Variants in ZNF532 observed in about 807,000 individuals in gnomAD.
The protein encoded by ZNF532 is zinc finger protein 532.
ZNF532 carries 22 observed loss-of-function variants against 89.3 expected under a neutral mutation model. The ratio of observed to expected loss-of-function variants is 0.25; its 90% CI spans 0.18 to 0.35. ZNF532 has a LOEUF of 0.35. Among genes scored for constraint, ZNF532 ranks in the 10% least tolerant of loss-of-function variants. The pLI, the probability that ZNF532 is intolerant of heterozygous loss-of-function variation, is 1.00. For synonymous variants in ZNF532, 606 were observed against 649.6 expected, an observed-to-expected ratio of 0.93 and a Z score of 1.02; for missense variants, 1,132 against 1,643.4, an observed-to-expected ratio of 0.69 and a Z score of 5.38.
intron 4 of ZNF532, among the ~76,000 whole-genome samples, chr18:58,935,648 T>TTA (rs2062410668): frequency 6.6e-6 from 1 of 150,954 alleles, no homozygotes; most frequent in Admixed American, 6.6e-5. Context: ...TGTTGAATGA[T>TTA]TATATATATG....
chr18:58,930,866 T>C (rs1301994382), intron 3 of ZNF532, among the ~76,000 whole-genome samples: 1 of 152,172 alleles, frequency 6.6e-6, no homozygotes, highest in East Asian at 1.9e-4. Context: ...TATTGTTGTA[T>C]TGTTATTTTT....
chr18:58,912,159 C>T (rs2060323077), intron 2 of ZNF532, among the ~76,000 whole-genome samples: 1 of 152,088 alleles, frequency 6.6e-6, no homozygotes, highest in East Asian at 1.9e-4. Context: ...GTATGTGACT[C>T]CTGTGTTGAT....
chr18:58,880,655 A>G (rs753847257), intron 2 of ZNF532, among the ~76,000 whole-genome samples: 77 of 152,268 alleles, frequency 5.1e-4, no homozygotes, highest in Middle Eastern at 6.8e-3. Flanking sequence ...GAGACACTGA[A>G]GGTAGGAAAT....
intron 2 of ZNF532, among the ~76,000 whole-genome samples, chr18:58,872,146 T>C (rs2057036998): frequency 1.3e-5 from 2 of 152,198 alleles, no homozygotes; most frequent in South Asian, 2.1e-4. Flanking sequence ...GTCTCACATA[T>C]TCCTTATGAA....
chr18:58,927,962 G>A lies in ZNF532; in HGVS notation c.2347-6471G>A, dbSNP rs138252909. Among the ~76,000 whole-genome samples, 34 of 152,316 alleles carry A rather than the reference G, an allele frequency of 2.2e-4. 1 individual carries two copies. In the East Asian group the frequency reaches 4.2e-3, roughly 19 times the overall value. On this transcript the variant is annotated intron_variant, in intron 3 of 9. Coordinates refer to ENST00000591808, the MANE Select transcript of ZNF532 (RefSeq NM_001375912.1). Reference sequence around the variant, plus strand: ...AAAAGCAGTTAGGAGTGAGAATTGCGTCTTTTACCTTTCACATCTGGTGGG... The same window carrying A: ...AAAAGCAGTTAGGAGTGAGAATTGCATCTTTTACCTTTCACATCTGGTGGG...
rs2068257635 is a variant in ZNF532, at chr18:58,985,023, T to C, written c.*557T>C. On this transcript the variant is annotated 3_prime_UTR_variant, in exon 10 of 10. Coordinates refer to ENST00000591808, the MANE Select transcript of ZNF532 (RefSeq NM_001375912.1). ...GGAGTGAGTTCACATTTGAGACAACTGCACTCCAGTGTGGACGTGCCTTTG... is the reference window on the plus strand; with the variant it reads ...GGAGTGAGTTCACATTTGAGACAACCGCACTCCAGTGTGGACGTGCCTTTG... 6.5e-6 allele frequency: 1 copy of C among 154,526 alleles called. No homozygotes were observed. The highest frequency in any genetic ancestry group is 2.4e-5 in the African/African-American group (1 of 41,456). 9.6% of individuals were successfully genotyped at this position (154,526 alleles called of 1,614,324 possible).
intron 2 of ZNF532, among the ~76,000 whole-genome samples, chr18:58,890,925 G>A (rs1031850992): frequency 4.0e-5 from 6 of 151,294 alleles, no homozygotes; most frequent in Non-Finnish European, 7.4e-5. Context: ...GCTCACTGCA[G>A]CCTTGACCTC....
At chr18:58,945,203 A>G (rs1459397125) in intron 5 of ZNF532, among the ~76,000 whole-genome samples, 1 of 151,214 alleles carries the variant, frequency 6.6e-6, no homozygotes, top group African/African-American at 2.4e-5. Context: ...CCAAAAGGGG[A>G]CCCAGGCCTC....
intron 4 of ZNF532, among the ~76,000 whole-genome samples, chr18:58,939,045 G>A (rs975044593): frequency 2.0e-5 from 3 of 151,932 alleles, no homozygotes; most frequent in African/African-American, 7.2e-5. Flanking sequence ...CTAGGAGTTT[G>A]AGACCAGCTT....
chr18:58,872,698 C>CTTTTTTT (rs146289274), intron 2 of ZNF532, among the ~76,000 whole-genome samples: 1 of 138,562 alleles, frequency 7.2e-6, no homozygotes, highest in African/African-American at 2.6e-5. Context: ...CAACATTTAT[C>CTTTTTTT]TTTTTTTTTT....
intron 2 of ZNF532, among the ~76,000 whole-genome samples, chr18:58,909,009 A>G (rs1015319907): frequency 6.6e-6 from 1 of 152,130 alleles, no homozygotes; most frequent in Non-Finnish European, 1.5e-5. Flanking sequence ...GCTGGAGTGC[A>G]GTGGTGCGAT....
rs267605219 is a variant in ZNF532, at chr18:58,919,145, C to T, written c.858C>T (p.Ser286=). Residue 286 remains serine, a synonymous_variant, in exon 3 of 10, where the codon TCC becomes TCT. Transcript: ENST00000591808. This position sits in a 1 kb window ranked among gnomAD's most constrained non-coding sequence, Gnocchi z 6.1. The part of the protein sequence containing the change: ...ALSAKKAASD[S]CKEPVANSRE... ...GCGCTAAAAAGGCGGCTTCAGACTC[C>T]TGCAAAGAACCAGTGGCCAATTCGA... The T allele has an allele frequency of 1.2e-6, 2 of 1,614,222 alleles. No homozygotes were observed. The highest frequency in any genetic ancestry group is 1.3e-5 in the African/African-American group (1 of 75,050).
At chr18:58,871,353 A>G (rs2056965324) in intron 2 of ZNF532, among the ~76,000 whole-genome samples, 1 of 152,180 alleles carries the variant, frequency 6.6e-6, no homozygotes, top group African/African-American at 2.4e-5. Context: ...CCAAGCAGCC[A>G]AGTAGCTGGC....
intron 2 of ZNF532, among the ~76,000 whole-genome samples, chr18:58,885,488 CATA>C (rs1240336222): frequency 3.3e-5 from 5 of 152,256 alleles, no homozygotes; most frequent in South Asian, 2.1e-4. Context: ...CTTTTGTGCA[CATA>C]ATGAGATTTT....
intron 2 of ZNF532, among the ~76,000 whole-genome samples, chr18:58,915,234 T>C (rs911961845): frequency 6.6e-6 from 1 of 152,210 alleles, no homozygotes; most frequent in African/African-American, 2.4e-5. Context: ...CACGATGCGC[T>C]TTCGGTTGGC....
chr18:58,875,138 C>T (rs1246730564), intron 2 of ZNF532, among the ~76,000 whole-genome samples: 16 of 149,540 alleles, frequency 1.1e-4, no homozygotes, highest in Admixed American at 6.8e-5. Context: ...TTGGCTATTT[C>T]ACCTTTCCCC....
chr18:58,920,518 A>G lies in ZNF532; in HGVS notation c.2231A>G (p.Glu744Gly). Reference sequence around the variant, plus strand: ...ATCACCCCAGCCATGCCCCTAGATGAAGACCCCTCCAAACTGTGTAGACAT... The same window carrying G: ...ATCACCCCAGCCATGCCCCTAGATGGAGACCCCTCCAAACTGTGTAGACAT... ...TPITPAMPLD[E>G]DPSKLCRHSL... The change falls in exon 3 of 10, where the codon GAA (glutamate) becomes GGA (glycine). Residue 744 changes from glutamate (E) to glycine (G), a missense_variant. By Grantham distance (98) the Glu-to-Gly change is moderately conservative. Coordinates refer to ENST00000591808, the MANE Select transcript of ZNF532 (RefSeq NM_001375912.1). The G allele has an allele frequency of 6.2e-7, 1 of 1,613,976 alleles. No homozygotes were observed. Among genetic ancestry groups the G allele is most frequent in the Non-Finnish European group, 8.5e-7 (1 of 1,179,866 alleles).
chr18:58,943,814 T>G (rs2063425848), intron 5 of ZNF532, among the ~76,000 whole-genome samples: 1 of 152,242 alleles, frequency 6.6e-6, no homozygotes, highest in Non-Finnish European at 1.5e-5. Flanking sequence ...CCTTGACTGC[T>G]GATTAACAGC....
chr18:58,875,684 A>G (rs2057365324), intron 2 of ZNF532, among the ~76,000 whole-genome samples: 1 of 152,152 alleles, frequency 6.6e-6, no homozygotes, highest in Admixed American at 6.5e-5. Flanking sequence ...GTAAGGTTAT[A>G]CTTCACATTC....
Sources: gnomAD v4.1 joint callset for allele counts (sites outside exome capture counted in the v4.1 genomes callset) on GRCh38, gnomAD v4.1.1 for gene constraint, Gnocchi (gnomAD v3.1) non-coding constraint, MANE v1.5 for transcripts, NCBI Gene and HGNC (gene_info 2026-07-23, HGNC 2026-07-21) for gene names.